The following PRKG1 variants were observed in gnomAD, a reference collection of about 807,000 sequenced individuals.
The protein encoded by PRKG1 is protein kinase cGMP-dependent 1.
PRKG1 carries 35 observed loss-of-function variants against 88.1 expected under a neutral mutation model. The ratio of observed to expected loss-of-function variants is 0.40; its 90% CI spans 0.30 to 0.53. The LOEUF (loss-of-function observed/expected upper bound fraction) is 0.53, where lower values mean the gene tolerates loss of function less well. Ranked by LOEUF, PRKG1 falls within the 20% of genes least tolerant of loss-of-function variation. The pLI is 0.59. For synonymous variants in PRKG1, 303 were observed against 292.5 expected, an observed-to-expected ratio of 1.04 and a Z score of -0.37; for missense variants, 540 against 839.8, an observed-to-expected ratio of 0.64 and a Z score of 4.41.
intron 9 of PRKG1, among the ~76,000 whole-genome samples, chr10:52,237,628 C>A (rs1840722720): frequency 7.0e-6 from 1 of 141,966 alleles, no homozygotes; most frequent in Admixed American, 7.1e-5. Flanking sequence ...TGAAGGACCT[C>A]TTCAAGGAGA....
chr10:52,195,565 T>A (rs1294303967), intron 9 of PRKG1, among the ~76,000 whole-genome samples: 1 of 152,136 alleles, frequency 6.6e-6, no homozygotes, highest in African/African-American at 2.4e-5. Context: ...TACTGGAAGA[T>A]TGCAAAACAC....
chr10:51,000,738 C>A (rs1465466210), intron 1 of PRKG1, among the ~76,000 whole-genome samples: 3 of 151,802 alleles, frequency 2.0e-5, no homozygotes, highest in Non-Finnish European at 2.9e-5. Flanking sequence ...ATTAAGAGTT[C>A]ATAGATTTTT....
At chr10:52,034,016 T>C (rs972089879) in intron 5 of PRKG1, among the ~76,000 whole-genome samples, 1 of 151,586 alleles carries the variant, frequency 6.6e-6, no homozygotes, top group Non-Finnish European at 1.5e-5. Context: ...AAAAGGACTT[T>C]CACAAGGTAA....
At chr10:51,151,665 C>T (rs577649030) in intron 1 of PRKG1, among the ~76,000 whole-genome samples, 15 of 151,628 alleles carry the variant, frequency 9.9e-5, no homozygotes, top group Non-Finnish European at 1.5e-4. Context: ...GAAGAATTTC[C>T]TCCATGCCAT....
At chr10:52,167,628 GA>G (rs111648936) in intron 9 of PRKG1, among the ~76,000 whole-genome samples, 124 of 142,020 alleles carry the variant, frequency 8.7e-4, no homozygotes, top group South Asian at 1.3e-3. Flanking sequence ...ACCTTTTAAG[GA>G]AAAAAAAAAA....
intron 3 of PRKG1, among the ~76,000 whole-genome samples, chr10:51,727,584 A>T (rs1842168025): frequency 6.6e-6 from 1 of 152,138 alleles, no homozygotes; most frequent in South Asian, 2.1e-4. Flanking sequence ...TTAGCACAGA[A>T]ATTTCTACTA....
intron 2 of PRKG1, among the ~76,000 whole-genome samples, chr10:51,449,100 T>C (rs1265544851): frequency 1.3e-5 from 2 of 152,016 alleles, no homozygotes; most frequent in Non-Finnish European, 2.9e-5. Context: ...TGGTTTCTAT[T>C]TGGTGTAATA....
chr10:51,532,283 T>C (rs1488266392), intron 3 of PRKG1, among the ~76,000 whole-genome samples: 1 of 152,206 alleles, frequency 6.6e-6, no homozygotes, highest in Non-Finnish European at 1.5e-5. Context: ...AAAGATACTA[T>C]TATTTCAGGT....
At chr10:52,122,068 G>C (rs1185661072) in intron 7 of PRKG1, among the ~76,000 whole-genome samples, 1 of 152,178 alleles carries the variant, frequency 6.6e-6, no homozygotes, top group Non-Finnish European at 1.5e-5. Context: ...AGATTAACTT[G>C]TTATACTTTG....
intron 3 of PRKG1, among the ~76,000 whole-genome samples, chr10:51,712,580 CTTTTTTTTTTTTT>C (rs60053336): frequency 1.6e-4 from 15 of 96,028 alleles, no homozygotes; most frequent in African/African-American, 5.0e-4. Flanking sequence ...AATATTATTC[CTTTTTTTTTTTTT>C]TTTTTTTTTT....
chr10:52,147,416 A>G (rs1048367320), intron 8 of PRKG1, among the ~76,000 whole-genome samples: 2 of 152,228 alleles, frequency 1.3e-5, no homozygotes, highest in African/African-American at 2.4e-5. Context: ...AATCCCCACA[A>G]TAGCCCCATG....
At chr10:51,806,039 T>C (rs1325296454) in intron 4 of PRKG1, among the ~76,000 whole-genome samples, 2 of 152,164 alleles carry the variant, frequency 1.3e-5, no homozygotes, top group Non-Finnish European at 1.5e-5. Flanking sequence ...TTGATATATA[T>C]GTGTCTATAC....
At chr10:52,092,422 C>T (rs1406957901) in intron 7 of PRKG1, among the ~76,000 whole-genome samples, 2 of 151,986 alleles carry the variant, frequency 1.3e-5, no homozygotes, top group Non-Finnish European at 2.9e-5. Context: ...TTCCTAAGAA[C>T]ACACTGAAAA....
intron 3 of PRKG1, among the ~76,000 whole-genome samples, chr10:51,646,976 A>G (rs1839929094): frequency 6.6e-6 from 1 of 151,992 alleles, no homozygotes; most frequent in South Asian, 2.1e-4. Context: ...AGAAAGAAAA[A>G]TAAATTAAAA....
intron 1 of PRKG1, among the ~76,000 whole-genome samples, chr10:51,034,238 G>A (rs987956885): frequency 6.6e-6 from 1 of 152,114 alleles, no homozygotes; most frequent in African/African-American, 2.4e-5. Flanking sequence ...TTAAAAATGT[G>A]ATCCTTGCTC....
At chr10:52,016,068 C>A (rs542520629) in intron 5 of PRKG1, among the ~76,000 whole-genome samples, 1 of 152,192 alleles carries the variant, frequency 6.6e-6, no homozygotes, top group Non-Finnish European at 1.5e-5. Flanking sequence ...CCAGCCTCTG[C>A]GGATTACTTA....
chr10:51,240,466 GT>G (rs1332194700), intron 2 of PRKG1, among the ~76,000 whole-genome samples: 3 of 152,100 alleles, frequency 2.0e-5, no homozygotes, highest in African/African-American at 7.2e-5. Flanking sequence ...ATAGCATTAT[GT>G]ATTTTAAATA....
Position 51,746,743 on chromosome 10 carries a change from G to T in PRKG1, c.593-57842G>T, listed in dbSNP as rs562102017. On this transcript the variant is annotated intron_variant, in intron 3 of 17. Coordinates refer to ENST00000373980, the MANE Select transcript of PRKG1 (RefSeq NM_006258.4). ...GTCTCAAAAAAAATAAAAAGAAAAA[G>T]AAAAAAAGAAAAGAAAGAAAAAAAA... 7.8e-5 allele frequency among the ~76,000 whole-genome samples: 11 copies of T among 140,766 alleles called. No homozygotes were observed. In the South Asian group the frequency reaches 2.5e-3, roughly 32 times the overall value. 92.3% of individuals were successfully genotyped at this position (140,766 alleles called of 152,430 possible). A position where few individuals can be genotyped will look rare whatever the true frequency, so the allele number is the denominator to read the frequency against.
In PRKG1 at chr10:52,122,932, AAC is replaced by A. The variant is rs374487886; in HGVS notation, c.936-10904_936-10903del. 8.9e-4 allele frequency among the ~76,000 whole-genome samples: 136 copies of A among 152,326 alleles called. 1 individual carries two copies. In the East Asian group the frequency reaches 0.02, roughly 22 times the overall value. On this transcript the variant is annotated intron_variant, in intron 7 of 17. Transcript: ENST00000373980. ...TCAGTTCCACTGATAACACAAAGGA[AAC>A]ACAACAGAAAAAAATAGCAATATAT...
Sources: allele counts gnomAD v4.1 joint callset (sites outside exome capture counted in the v4.1 genomes callset), GRCh38; gene constraint gnomAD v4.1.1; transcripts MANE v1.5; gene names NCBI Gene and HGNC (gene_info 2026-07-23, HGNC 2026-07-21).